HMGN3: variants seen among roughly 807,000 people sequenced by gnomAD.
The protein encoded by HMGN3 is high mobility group nucleosomal binding domain 3.
HMGN3 carries 6 observed loss-of-function variants against 18.8 expected under a neutral mutation model. The observed-to-expected ratio is 0.32, with a 90% CI of 0.18 to 0.63. The LOEUF is 0.63. HMGN3 is among the 30% of genes least tolerant of loss of function. The probability of loss-of-function intolerance (pLI) is 0.79; values close to 1 mark genes in which losing one functional copy is unlikely to be tolerated. For synonymous variants in HMGN3, 40 were observed against 36.5 expected, an observed-to-expected ratio of 1.10 and a Z score of -0.35; for missense variants, 107 against 114.2, an observed-to-expected ratio of 0.94 and a Z score of 0.29.
At chr6:79,220,574 G>C (rs1777225837) in intron 1 of HMGN3, among the ~76,000 whole-genome samples, 1 of 152,150 alleles carries the variant, frequency 6.6e-6, no homozygotes, top group Admixed American at 6.5e-5. Flanking sequence ...AGCCTCCAGA[G>C]TAGCTGGGAT....
intron 2 of HMGN3, among the ~76,000 whole-genome samples, chr6:79,210,287 C>G (rs759666037): frequency 6.6e-6 from 1 of 152,082 alleles, no homozygotes; most frequent in Non-Finnish European, 1.5e-5. Flanking sequence ...CTTCCAATTA[C>G]CCAACAGAGC....
exon 5 of HMGN3, chr6:79,202,311 C>T (rs1464435419): frequency 1.2e-6 from 2 of 1,613,904 alleles, no homozygotes; most frequent in African/African-American, 1.3e-5. Context: ...TCAGATGGTG[C>T]AGTACCTTCC....
intron 1 of HMGN3, chr6:79,234,156 C>T (rs779920071): frequency 5.9e-5 from 11 of 187,506 alleles, no homozygotes; most frequent in Non-Finnish European, 1.2e-4. Context: ...TCTCCTTACG[C>T]TTGTACTTGT....
At chr6:79,202,768 G>A (rs1253502606) in intron 4 of HMGN3, among the ~76,000 whole-genome samples, 2 of 152,162 alleles carry the variant, frequency 1.3e-5, no homozygotes, top group Non-Finnish European at 2.9e-5. Context: ...CCCAGCCAGG[G>A]GGTGGCTCTG....
At chr6:79,228,147 G>C (rs1275012504) in intron 1 of HMGN3, among the ~76,000 whole-genome samples, 1 of 152,058 alleles carries the variant, frequency 6.6e-6, no homozygotes, top group Non-Finnish European at 1.5e-5. Context: ...ACTGCTCATA[G>C]CTTCTCTTGT....
chr6:79,217,087 A>G (rs1210658682), intron 1 of HMGN3, among the ~76,000 whole-genome samples: 5 of 152,240 alleles, frequency 3.3e-5, no homozygotes, highest in Admixed American at 2.6e-4. Flanking sequence ...ATTATTCAAA[A>G]AAGAGAAACT....
chr6:79,214,319 A>G (rs539308920), intron 2 of HMGN3, among the ~76,000 whole-genome samples: 7 of 150,948 alleles, frequency 4.6e-5, no homozygotes, highest in Non-Finnish European at 8.8e-5. Context: ...CTCCTGCCTC[A>G]GCCTCCCGAG....
exon 3 of HMGN3, chr6:79,208,575 G>T: frequency 6.2e-7 from 1 of 1,609,196 alleles, no homozygotes; most frequent in Non-Finnish European, 8.5e-7. Flanking sequence ...CCGTCTTGTG[G>T]GCTACAAAGG....
chr6:79,208,816 A>G (rs538552943), intron 2 of HMGN3, among the ~76,000 whole-genome samples: 1 of 152,310 alleles, frequency 6.6e-6, no homozygotes, highest in African/African-American at 2.4e-5. Flanking sequence ...GCTTCTCCCA[A>G]CTAAGGGTGT....
At chr6:79,221,679 G>A (rs1777290826) in intron 1 of HMGN3, among the ~76,000 whole-genome samples, 2 of 152,166 alleles carry the variant, frequency 1.3e-5, no homozygotes, top group South Asian at 4.1e-4. Context: ...TTCAACAGCT[G>A]CTTAGGAACG....
chr6:79,203,455 C>G, intron 4 of HMGN3, 125 bp downstream of exon 4: 1 of 853,362 alleles, frequency 1.2e-6, no homozygotes, highest in South Asian at 1.5e-5. Flanking sequence ...TAAGCAAGCC[C>G]GTAACAGTGG....
chr6:79,212,793 A>G (rs777411040), intron 2 of HMGN3, among the ~76,000 whole-genome samples: 3 of 152,222 alleles, frequency 2.0e-5, no homozygotes, highest in Non-Finnish European at 4.4e-5. Flanking sequence ...TGCATACTCA[A>G]TGACATAACT....
chr6:79,232,782 G>GA (rs1453818828), intron 1 of HMGN3, among the ~76,000 whole-genome samples: 1 of 151,726 alleles, frequency 6.6e-6, no homozygotes, highest in Non-Finnish European at 1.5e-5. Flanking sequence ...TAATTCCCAG[G>GA]AAAAAAAGAT....
chr6:79,224,177 G>A (rs1300138206), intron 1 of HMGN3, among the ~76,000 whole-genome samples: 1 of 152,164 alleles, frequency 6.6e-6, no homozygotes, highest in African/African-American at 2.4e-5. Flanking sequence ...AGATTAGTCA[G>A]CTGGTAATCT....
chr6:79,228,350 G>A (rs1409822527), intron 1 of HMGN3, among the ~76,000 whole-genome samples: 1 of 152,164 alleles, frequency 6.6e-6, no homozygotes, highest in Non-Finnish European at 1.5e-5. Context: ...TTAACATGGA[G>A]CAAATGAATA....
At chr6:79,202,506 C>G in intron 4 of HMGN3, 117 bp from the exon 5 acceptor site, 3 of 836,560 alleles carry the variant, frequency 3.6e-6, no homozygotes, top group Non-Finnish European at 5.9e-6. Flanking sequence ...ATCATGGTGG[C>G]CTTTATGGAG....
At position 79,221,800 on chromosome 6, in the gene HMGN3, T is replaced by C. The variant is rs745515774; in HGVS notation, c.16-6778A>G. ...TGCACTAGGAGTGATCTTCAGCCCA[T>C]GGAAGACAAGAAAGAGGAGGGCTCA... On this transcript the variant is annotated intron_variant, in intron 1 of 5. Transcript: ENST00000344726. Among the ~76,000 whole-genome samples the C allele has an allele frequency of 2.0e-5, 3 of 151,766 alleles. No individual in the cohort carries two copies. In the East Asian group the frequency reaches 5.8e-4, roughly 29 times the overall value.
In HMGN3 at chr6:79,234,445, C is replaced by T. The variant is rs752797150; in HGVS notation, c.15+101G>A. The T allele has an allele frequency of 3.2e-5, 36 of 1,123,960 alleles. No homozygotes were observed. The East Asian group carries it at 7.8e-4, about 24-fold the overall frequency. 69.6% of individuals were successfully genotyped at this position (1,123,960 alleles called of 1,614,324 possible). A position where few individuals can be genotyped will look rare whatever the true frequency, so the allele number is the denominator to read the frequency against. ...TGGAGGAGCAAAGATTCCCAATCCC[C>T]GGGTTACTACCGCGCGCGTTCTGCG... On this transcript the variant is annotated intron_variant, in intron 1 of 5. Coordinates refer to ENST00000344726, the Ensembl canonical transcript of HMGN3.
At chr6:79,222,033 G>A (rs768436619) in intron 1 of HMGN3, among the ~76,000 whole-genome samples, 89 of 151,894 alleles carry the variant, frequency 5.9e-4, no homozygotes, top group Admixed American at 5.9e-4. Context: ...CGACTTCAGC[G>A]AATTAGCTGA....
Sources: gnomAD v4.1 joint callset for allele counts (sites outside exome capture counted in the v4.1 genomes callset) on GRCh38, gnomAD v4.1.1 for gene constraint, MANE v1.5 for transcripts, NCBI Gene and HGNC (gene_info 2026-07-23, HGNC 2026-07-21) for gene names.